Variants in SCN7A observed in about 807,000 individuals in gnomAD.
SCN7A encodes sodium voltage-gated channel alpha subunit 7.
Under a neutral mutation model 155.2 loss-of-function variants are expected in SCN7A, and 138 were observed. The ratio of observed to expected loss-of-function variants is 0.89; its 90% CI spans 0.77 to 1.02. The LOEUF (loss-of-function observed/expected upper bound fraction) is 1.02. Ranked by LOEUF, SCN7A falls within the 50% of genes least tolerant of loss-of-function variation. The pLI is 0.00. For missense variants in SCN7A, 2,058 were observed against 1,986.6 expected, an observed-to-expected ratio of 1.04 and a Z score of -0.68; for synonymous variants, 693 against 649.0, an observed-to-expected ratio of 1.07 and a Z score of -1.03.
chr2:166,421,657 A>T (rs1435954083), intron 19 of SCN7A, among the ~76,000 whole-genome samples: 1 of 152,024 alleles, frequency 6.6e-6, no homozygotes, highest in Non-Finnish European at 1.5e-5. Context: ...TACAGTAATC[A>T]TATGCAGTAT....
At chr2:166,421,007 A>G (rs901744926) in intron 20 of SCN7A, among the ~76,000 whole-genome samples, 183 bp downstream of exon 20, 2 of 152,014 alleles carry the variant, frequency 1.3e-5, no homozygotes, top group Non-Finnish European at 2.9e-5. Context: ...TATGAGGAAT[A>G]AGAACCTAGA....
In SCN7A at chr2:166,404,666, A is replaced by G. The variant is rs1364463432; in HGVS notation, c.*914T>C. The G allele has an allele frequency of 6.6e-6, 1 of 151,796 alleles. No homozygotes were observed. Among genetic ancestry groups the G allele is most frequent in the Non-Finnish European group, 1.5e-5 (1 of 67,868 alleles). 9.4% of individuals were successfully genotyped at this position (151,796 alleles called of 1,614,324 possible). A position where few individuals can be genotyped will look rare whatever the true frequency, so the allele number is the denominator to read the frequency against. On this transcript the variant is annotated 3_prime_UTR_variant, in exon 26 of 26. Coordinates refer to ENST00000643258, the MANE Select transcript of SCN7A (RefSeq NM_002976.4). ...TCTTCTAATTCATGTTTAAACATAC[A>G]TTTGTCAGATCTTATATATTCAATG...
chr2:166,457,386 T>C (rs994004509), intron 10 of SCN7A, among the ~76,000 whole-genome samples: 1 of 152,238 alleles, frequency 6.6e-6, no homozygotes, highest in African/African-American at 2.4e-5. Flanking sequence ...GAAATAATTG[T>C]CATCTCTTGA....
chr2:166,459,831 A>G (rs1007425616), intron 10 of SCN7A, among the ~76,000 whole-genome samples: 2 of 152,190 alleles, frequency 1.3e-5, no homozygotes, highest in African/African-American at 2.4e-5. Flanking sequence ...TTGCAGGCAC[A>G]TGGATGAAGC....
rs1462458872 is a variant in SCN7A at position 166,465,720 on chromosome 2, AG to A, written c.871+60del. The A allele has an allele frequency of 1.4e-4, 210 of 1,538,120 alleles. 2 individuals carry two copies. The East Asian group carries it at 4.7e-3, about 34-fold the overall frequency. ...TGTTGAGTGTTCAACATTTCTGGGA[AG>A]ACTGCTTTGCCTTTAACGAAAGTTT... On this transcript the variant is annotated intron_variant, in intron 8 of 25. Coordinates refer to ENST00000643258, the MANE Select transcript of SCN7A (RefSeq NM_002976.4).
At chr2:166,417,080 A>G in intron 20 of SCN7A, 95 bp from the exon 21 acceptor site, 1 of 979,450 alleles carries the variant, frequency 1.0e-6, no homozygotes, top group Non-Finnish European at 1.5e-6. Flanking sequence ...AGAATAACAT[A>G]TTTAAAAAAA....
chr2:166,477,042 G>T (rs1426886475), intron 3 of SCN7A, among the ~76,000 whole-genome samples: 2 of 151,928 alleles, frequency 1.3e-5, no homozygotes, highest in African/African-American at 2.4e-5. Context: ...GAATAAAAAT[G>T]ATAAATAACA....
chr2:166,418,838 T>G (rs947329280), intron 20 of SCN7A, among the ~76,000 whole-genome samples: 7 of 152,202 alleles, frequency 4.6e-5, no homozygotes, highest in African/African-American at 1.7e-4. Context: ...ATTAAATACA[T>G]AAATCATTAA....
At chr2:166,462,332 T>C in intron 10 of SCN7A, 57 bp downstream of exon 10, 5 of 1,494,014 alleles carry the variant, frequency 3.3e-6, no homozygotes, top group Non-Finnish European at 4.5e-6. Flanking sequence ...ACCATTATCT[T>C]AGAAGCAAGG....
At position 166,441,757 on chromosome 2, in the gene SCN7A, T is replaced by C; in HGVS notation, c.1801-5A>G. 1 of 1,578,272 alleles carries C rather than the reference T, an allele frequency of 6.3e-7. No homozygotes were observed. Among genetic ancestry groups the C allele is most frequent in the South Asian group, 1.2e-5 (1 of 84,770 alleles). ...TCCCAACTTGAAAATTCTTAACTAA[T>C]AGAGCAATGTAAAATCAAGAACAAG... is the stretch of plus-strand genomic sequence containing the variant. On this transcript the variant is annotated splice_region_variant and splice_polypyrimidine_tract_variant and intron_variant, in intron 14 of 25. Coordinates refer to ENST00000643258, the MANE Select transcript of SCN7A (RefSeq NM_002976.4).
intron 25 of SCN7A, among the ~76,000 whole-genome samples, chr2:166,407,056 T>C (rs190303328): frequency 1.3e-5 from 2 of 152,192 alleles, no homozygotes; most frequent in East Asian, 3.9e-4. Context: ...CAAAGATGAA[T>C]GACATGATTT....
At chr2:166,434,480 G>C (rs1701797521) in intron 15 of SCN7A, among the ~76,000 whole-genome samples, 1 of 152,004 alleles carries the variant, frequency 6.6e-6, no homozygotes, top group South Asian at 2.1e-4. Context: ...AAAACAGAAA[G>C]GACAATGATC....
chr2:166,418,777 A>T (rs1701445955), intron 20 of SCN7A, among the ~76,000 whole-genome samples: 1 of 152,228 alleles, frequency 6.6e-6, no homozygotes, highest in Non-Finnish European at 1.5e-5. Flanking sequence ...AAGAGTGGAT[A>T]TAGTTGACAC....
rs750395866 is a variant in SCN7A, at chr2:166,409,730, C to T, written c.3917G>A (p.Arg1306His). The T allele has an allele frequency of 1.6e-5, 25 of 1,545,776 alleles. No individual in the cohort carries two copies. The East Asian group carries it at 2.2e-4, about 14-fold the overall frequency. The stretch of plus-strand genomic sequence containing the variant: ...CCACGCAATGGTGAAATAAAAACAA[C>T]GGAAAGCGATGAGCTTCAGTATACA... ...MECILKLIAF[R>H]CFYFTIAWNI... The change falls in exon 25 of 26, where the codon CGT becomes CAT. Residue 1306 changes from arginine (R) to histidine (H), a missense_variant. Coordinates refer to ENST00000643258, the MANE Select transcript of SCN7A (RefSeq NM_002976.4).
At chr2:166,424,660 A>G (rs1701584403) in intron 18 of SCN7A, among the ~76,000 whole-genome samples, 1 of 152,022 alleles carries the variant, frequency 6.6e-6, no homozygotes. Flanking sequence ...ATAAGGCAAA[A>G]CTGATGACAC....
rs573941469 is a variant in SCN7A, at chr2:166,452,275, T to G, written c.1291-4567A>C. Among the ~76,000 whole-genome samples, 4 of 152,078 alleles carry G rather than the reference T, an allele frequency of 2.6e-5. No homozygotes were observed. The South Asian group carries it at 8.3e-4, about 32-fold the overall frequency. ...TATCATTTCAGTGTAATTTAATGTA[T>G]TCCTCTCTTACAGTCTCTGAGAAAA... On this transcript the variant is annotated intron_variant, in intron 11 of 25. Coordinates refer to ENST00000643258, the MANE Select transcript of SCN7A (RefSeq NM_002976.4).
intron 9 of SCN7A, among the ~76,000 whole-genome samples, chr2:166,464,337 T>C (rs1254689111): frequency 6.6e-6 from 1 of 151,934 alleles, no homozygotes; most frequent in Non-Finnish European, 1.5e-5. Context: ...CACCAGAGTG[T>C]AAGAAAGAAC....
chr2:166,445,175 G>A (rs1409702338), intron 12 of SCN7A, among the ~76,000 whole-genome samples, 175 bp from the exon 13 acceptor site: 2 of 152,034 alleles, frequency 1.3e-5, no homozygotes, highest in Non-Finnish European at 2.9e-5. Flanking sequence ...AAATAGTTGG[G>A]TGTGGTGGTG....
intron 25 of SCN7A, among the ~76,000 whole-genome samples, chr2:166,407,384 T>A (rs1334060702): frequency 6.6e-6 from 1 of 151,984 alleles, no homozygotes; most frequent in South Asian, 2.1e-4. Context: ...CTGGAAGTAT[T>A]AGAGAGAATG....
Sources: allele counts gnomAD v4.1 joint callset (sites outside exome capture counted in the v4.1 genomes callset), GRCh38; gene constraint gnomAD v4.1.1; transcripts MANE v1.5; gene names NCBI Gene and HGNC (gene_info 2026-07-23, HGNC 2026-07-21).